The following CCDC34 variants were observed in gnomAD, a reference collection of about 807,000 sequenced individuals.
The protein encoded by CCDC34 is coiled-coil domain containing 34, also known as coiled-coil domain-containing protein 34.
A neutral mutation model predicts 44.1 loss-of-function variants in CCDC34; 40 were observed. The ratio of observed to expected loss-of-function variants is 0.91; its 90% CI spans 0.70 to 1.18. CCDC34 has a LOEUF of 1.18. Among genes scored for constraint, CCDC34 ranks in the 50% most tolerant of loss-of-function variants. CCDC34 has a pLI of 0.00. For synonymous variants in CCDC34, 159 were observed against 158.2 expected (o/e 1.01, Z -0.04); for missense variants, 466 against 452.3 (o/e 1.03, Z -0.28).
intron 2 of CCDC34, among the ~76,000 whole-genome samples, chr11:27,351,670 GA>G (rs1366426817): frequency 6.6e-6 from 1 of 152,136 alleles, no homozygotes; most frequent in Non-Finnish European, 1.5e-5. Context: ...AGAAGTCTCT[GA>G]TCTGATTTTC....
At chr11:27,357,634 T>G in intron 1 of CCDC34, 93 bp from the exon 2 acceptor site, 1 of 1,059,522 alleles carries the variant, frequency 9.4e-7, no homozygotes, top group Non-Finnish European at 1.3e-6. Context: ...CAAAACTTAA[T>G]AGTGTATTTT....
At chr11:27,351,105 T>A (rs1862498977) in intron 2 of CCDC34, among the ~76,000 whole-genome samples, 1 of 152,204 alleles carries the variant, frequency 6.6e-6, no homozygotes, top group Admixed American at 6.5e-5. Flanking sequence ...ATGCCACCAC[T>A]CTGTCACTCA....
chr11:27,358,482 C>T (rs1862610812), intron 1 of CCDC34, among the ~76,000 whole-genome samples: 4 of 152,214 alleles, frequency 2.6e-5, no homozygotes. Context: ...CACTGCTTTG[C>T]ACAACTTTTC....
Position 27,339,029 on chromosome 11 carries a change from TA to T in CCDC34, c.913del (p.Tyr305ThrfsTer40). 6.2e-7 allele frequency: 1 copy of T among 1,600,218 alleles called. No homozygotes were observed. The highest frequency in any genetic ancestry group is 8.5e-7 in the Non-Finnish European group (1 of 1,176,004). The stretch of plus-strand genomic sequence containing the variant: ...TGGTTCTGGATAGGAATTTCCACTG[TA>T]AAAACCTAAAATTATTGAAAAATCA... ...GYANGKLTGF[Y>X]SGNSYPEPAF... On this transcript the variant is annotated frameshift_variant, in exon 6 of 6. Transcript: ENST00000328697. LOFTEE classifies it high-confidence loss of function.
At chr11:27,361,369 G>A (rs1013251131) in intron 1 of CCDC34, among the ~76,000 whole-genome samples, 1 of 152,208 alleles carries the variant, frequency 6.6e-6, no homozygotes, top group Middle Eastern at 3.2e-3. Context: ...TTATTCCGCA[G>A]GTCACTAACT....
At chr11:27,339,645 T>C (rs1394714049) in intron 5 of CCDC34, among the ~76,000 whole-genome samples, 2 of 152,216 alleles carry the variant, frequency 1.3e-5, no homozygotes. Flanking sequence ...ACATTTTACA[T>C]ATCATCTCCA....
In CCDC34 at chr11:27,363,145, C is replaced by A; in HGVS notation, c.50G>T (p.Gly17Val). The A allele has an allele frequency of 7.2e-6, 11 of 1,532,952 alleles. No homozygotes were observed. Among genetic ancestry groups the A allele is most frequent in the Non-Finnish European group, 9.6e-6 (11 of 1,143,318 alleles). 95.0% of individuals were successfully genotyped at this position (1,532,952 alleles called of 1,614,324 possible). A position where few individuals can be genotyped will look rare whatever the true frequency, so the allele number is the denominator to read the frequency against. Residue 17 changes from glycine (G) to valine (V), a missense_variant, in exon 1 of 6, where the codon GGT becomes GTT. Physicochemically the swap from Gly to Val is moderately radical, Grantham distance 109. Coordinates refer to ENST00000328697, the MANE Select transcript of CCDC34 (RefSeq NM_030771.2). ...CCTGGGTCTGCAGTCAGCAGAGAAACCGGCGTAGGAAGAGGGAAAAGTAGG... is the reference window on the plus strand; with the variant it reads ...CCTGGGTCTGCAGTCAGCAGAGAAAACGGCGTAGGAAGAGGGAAAAGTAGG... ...WGPTFPSSYAGFSADCRPRSR... is the reference protein window; with the variant it reads ...WGPTFPSSYAVFSADCRPRSR...
At position 27,340,727 on chromosome 11, in the gene CCDC34, C is replaced by G. The variant is rs754254894; in HGVS notation, c.876G>C (p.Lys292Asn). The part of the protein sequence containing the change: ...NAKHKPRPAA[K>N]SYGYANGKLT... ...GTTTTCCATTGGCATAACCATAGCT[C>G]TTTGCAGCTGGACGAGGTTTATGTT... The change falls in exon 5 of 6, where the codon AAG becomes AAC. Residue 292 changes from lysine to asparagine, a missense_variant. Lys to Asn is a moderately conservative substitution (Grantham distance 94). Transcript: ENST00000328697. The G allele has an allele frequency of 6.2e-7, 1 of 1,613,440 alleles. No homozygotes were observed. Among genetic ancestry groups the G allele is most frequent in the Admixed American group, 1.7e-5 (1 of 59,972 alleles).
chr11:27,349,410 A>G lies in CCDC34; in HGVS notation c.606+922T>C, dbSNP rs557388807. On this transcript the variant is annotated intron_variant, in intron 3 of 5. Transcript: ENST00000328697. ...ATAATACTTGGATGAAGAAGGTTAT[A>G]TCATCTTCAATTTACTGAAATTATT... is the stretch of plus-strand genomic sequence containing the variant. 16 of 832,506 alleles carry G rather than the reference A, an allele frequency of 1.9e-5. No homozygotes were observed. In the South Asian group the frequency reaches 5.5e-4, roughly 29 times the overall value. 51.6% of individuals were successfully genotyped at this position (832,506 alleles called of 1,614,324 possible). A position where few individuals can be genotyped will look rare whatever the true frequency, so the allele number is the denominator to read the frequency against.
Position 27,340,719 on chromosome 11 carries a change from C to A in CCDC34, c.884G>T (p.Gly295Val). Residue 295 changes from glycine (G) to valine (V), a missense_variant, in exon 5 of 6, where the codon GGT (glycine) becomes GTT (valine). Gly to Val is a moderately radical substitution (Grantham distance 109). Coordinates refer to ENST00000328697, the MANE Select transcript of CCDC34 (RefSeq NM_030771.2). ...HKPRPAAKSY[G>V]YANGKLTGFY... ...ACCTGTAAGTTTTCCATTGGCATAA[C>A]CATAGCTCTTTGCAGCTGGACGAGG... 1 of 1,612,972 alleles carries A rather than the reference C, an allele frequency of 6.2e-7. No individual in the cohort carries two copies.
rs200503881 is a variant in CCDC34 at position 27,340,740 on chromosome 11, C to T, written c.863G>A (p.Arg288His). The T allele has an allele frequency of 7.7e-5, 125 of 1,613,556 alleles. 1 individual carries two copies. The highest frequency in any genetic ancestry group is 4.8e-5 in the Non-Finnish European group (57 of 1,179,812). Residue 288 changes from arginine to histidine, a missense_variant, in exon 5 of 6, where the codon CGT becomes CAT. Physicochemically the swap from Arg to His is conservative, Grantham distance 29. Coordinates refer to ENST00000328697, the MANE Select transcript of CCDC34 (RefSeq NM_030771.2). ...EWLENAKHKP[R>H]PAAKSYGYAN... is the part of the protein sequence containing the mutation. The stretch of plus-strand genomic sequence containing the variant: ...ATAACCATAGCTCTTTGCAGCTGGA[C>T]GAGGTTTATGTTTCGCATTTTCCAA...
chr11:27,349,299 G>A, intron 3 of CCDC34: 1 of 920,170 alleles, frequency 1.1e-6, no homozygotes. Context: ...ATCATGGGAT[G>A]AAGTAAACTT....
chr11:27,356,532 A>T (rs1045670895), intron 2 of CCDC34, among the ~76,000 whole-genome samples: 1 of 151,990 alleles, frequency 6.6e-6, no homozygotes, highest in African/African-American at 2.4e-5. Context: ...TCATCATTCA[A>T]ATCTATCTGG....
chr11:27,340,685 TAAA>T lies in CCDC34; in HGVS notation c.907+8_907+10del. The T allele has an allele frequency of 6.2e-7, 1 of 1,604,896 alleles. No homozygotes were observed. The highest frequency in any genetic ancestry group is 8.5e-7 in the Non-Finnish European group (1 of 1,176,590). On this transcript the variant is annotated splice_region_variant and intron_variant, in intron 5 of 5. Coordinates refer to ENST00000328697, the MANE Select transcript of CCDC34 (RefSeq NM_030771.2). Reference sequence around the variant, plus strand: ...CCATATTTATGTAAGCCACACAACATAAAAACCAACCTGTAAGTTTTCCATTGG... The same window carrying T: ...CCATATTTATGTAAGCCACACAACATAACCAACCTGTAAGTTTTCCATTGG...
intron 3 of CCDC34, chr11:27,349,963 G>T: frequency 9.1e-7 from 1 of 1,104,432 alleles, no homozygotes; most frequent in Non-Finnish European, 1.1e-6. Flanking sequence ...CGAGAAGACA[G>T]CTGAATGAAA....
chr11:27,343,456 G>A (rs943899063), intron 3 of CCDC34, among the ~76,000 whole-genome samples: 1 of 151,764 alleles, frequency 6.6e-6, no homozygotes, highest in Admixed American at 6.6e-5. Flanking sequence ...TATCAAAGTT[G>A]CTGTATTTCC....
At chr11:27,344,451 A>G (rs1224316356) in intron 3 of CCDC34, among the ~76,000 whole-genome samples, 2 of 152,024 alleles carry the variant, frequency 1.3e-5, no homozygotes, top group African/African-American at 4.8e-5. Context: ...ATATGCTATA[A>G]CATGTTACTT....
At chr11:27,353,959 T>G (rs1413810428) in intron 2 of CCDC34, among the ~76,000 whole-genome samples, 1 of 152,220 alleles carries the variant, frequency 6.6e-6, no homozygotes, top group East Asian at 1.9e-4. Flanking sequence ...AATAGGGATC[T>G]GAGATGACTA....
intron 3 of CCDC34, among the ~76,000 whole-genome samples, chr11:27,342,806 AT>A (rs1862380290): frequency 1.3e-5 from 2 of 152,180 alleles, no homozygotes; most frequent in African/African-American, 4.8e-5. Flanking sequence ...ATAACTCAAT[AT>A]TTTTTCCTCC....
Sources: gnomAD v4.1 joint callset for allele counts (sites outside exome capture counted in the v4.1 genomes callset) on GRCh38, gnomAD v4.1.1 for gene constraint, MANE v1.5 for transcripts, NCBI Gene and HGNC (gene_info 2026-07-23, HGNC 2026-07-21) for gene names.